Variants in TTC29 observed in about 807,000 individuals in gnomAD.
TTC29 encodes tetratricopeptide repeat domain 29.
TTC29 carries 49 observed loss-of-function variants against 58.1 expected under a neutral mutation model. That is an observed-to-expected ratio of 0.84 (90% CI 0.67 to 1.07). TTC29 has a LOEUF of 1.07. TTC29 is among the 50% of genes least tolerant of loss of function. The pLI is 0.00. For synonymous variants in TTC29, 209 were observed against 196.8 expected, an observed-to-expected ratio of 1.06 and a Z score of -0.52; for missense variants, 582 against 555.6, an observed-to-expected ratio of 1.05 and a Z score of -0.48.
chr4:146,812,214 A>G (rs1435227927), intron 10 of TTC29, among the ~76,000 whole-genome samples: 1 of 152,174 alleles, frequency 6.6e-6, no homozygotes, highest in African/African-American at 2.4e-5. Flanking sequence ...ATATATAATT[A>G]GGCCAAACAT....
chr4:146,710,262 C>T (rs1347990313), intron 11 of TTC29, among the ~76,000 whole-genome samples: 1 of 152,074 alleles, frequency 6.6e-6, no homozygotes, highest in Non-Finnish European at 1.5e-5. Flanking sequence ...GGGCTATGAA[C>T]CTGTTCGGCA....
intron 4 of TTC29, among the ~76,000 whole-genome samples, chr4:146,930,365 T>C (rs1735249023): frequency 6.6e-6 from 1 of 152,092 alleles, no homozygotes; most frequent in Non-Finnish European, 1.5e-5. Context: ...ATGATAATGC[T>C]GTTCCCTTCT....
At chr4:146,714,528 A>C (rs1207252641) in intron 11 of TTC29, among the ~76,000 whole-genome samples, 1 of 152,026 alleles carries the variant, frequency 6.6e-6, no homozygotes, top group Non-Finnish European at 1.5e-5. Flanking sequence ...AAATTGCTGA[A>C]GACTATAAAC....
intron 3 of TTC29, among the ~76,000 whole-genome samples, chr4:146,939,130 T>G (rs2150335349): frequency 6.6e-6 from 1 of 152,158 alleles, no homozygotes; most frequent in South Asian, 2.1e-4. Context: ...AAAACAGAAG[T>G]CAGCCCTTGG....
intron 11 of TTC29, among the ~76,000 whole-genome samples, chr4:146,748,535 G>A (rs1365287718): frequency 2.0e-5 from 3 of 152,120 alleles, no homozygotes; most frequent in Non-Finnish European, 4.4e-5. Flanking sequence ...AATAACAAGA[G>A]GATCCCTAAA....
At chr4:146,846,221 T>A (rs192092852) in intron 8 of TTC29, among the ~76,000 whole-genome samples, 23 of 152,316 alleles carry the variant, frequency 1.5e-4, no homozygotes, top group Non-Finnish European at 2.9e-4. Context: ...ACAATCTTCA[T>A]AGAAGAAGAC....
intron 4 of TTC29, chr4:146,934,406 T>C (rs1735603000): frequency 6.6e-6 from 1 of 152,080 alleles, no homozygotes; most frequent in Non-Finnish European, 1.5e-5. Flanking sequence ...ATATTGGGGA[T>C]AAGAGAGGAG....
chr4:146,771,036 G>A (rs948032307), intron 11 of TTC29, among the ~76,000 whole-genome samples: 14 of 152,008 alleles, frequency 9.2e-5, no homozygotes, highest in Non-Finnish European at 1.6e-4. Context: ...TGTCCAATTA[G>A]CACATACTGT....
chr4:146,739,101 C>T (rs1051947045), intron 11 of TTC29, among the ~76,000 whole-genome samples: 1 of 152,020 alleles, frequency 6.6e-6, no homozygotes, highest in African/African-American at 2.4e-5. Flanking sequence ...AAGGAAATAG[C>T]TATGAATTTC....
At chr4:146,814,939 C>T (rs68181638) in intron 10 of TTC29, among the ~76,000 whole-genome samples, 6,975 of 151,860 alleles carry the variant, frequency 0.046, 232 homozygotes, top group East Asian at 0.14. Context: ...TAAAGAACTC[C>T]AAGAATGTCA....
intron 11 of TTC29, among the ~76,000 whole-genome samples, chr4:146,777,032 G>A (rs1748156003): frequency 6.6e-6 from 1 of 152,002 alleles, no homozygotes; most frequent in Non-Finnish European, 1.5e-5. Context: ...GGAGGGGTGG[G>A]GTTACCAGTG....
chr4:146,814,091 C>T (rs997953908), intron 10 of TTC29, among the ~76,000 whole-genome samples: 2 of 152,122 alleles, frequency 1.3e-5, no homozygotes, highest in Non-Finnish European at 2.9e-5. Context: ...ATTTATTGGT[C>T]CAAGGAACTG....
intron 8 of TTC29, among the ~76,000 whole-genome samples, chr4:146,854,418 G>C (rs1376557539): frequency 6.6e-6 from 1 of 152,120 alleles, no homozygotes; most frequent in Non-Finnish European, 1.5e-5. Flanking sequence ...ATATTTTGTG[G>C]CCACGTTATT....
chr4:146,762,981 C>T (rs953918399), intron 11 of TTC29, among the ~76,000 whole-genome samples: 7 of 152,120 alleles, frequency 4.6e-5, no homozygotes, highest in South Asian at 4.1e-4. Context: ...TTCCCTAGGG[C>T]GGAAGTTTTC....
intron 11 of TTC29, among the ~76,000 whole-genome samples, chr4:146,762,840 A>G (rs746333261): frequency 9.9e-5 from 15 of 152,216 alleles, no homozygotes; most frequent in Non-Finnish European, 1.9e-4. Flanking sequence ...TTTCAAAAAA[A>G]GTAAACAAAA....
intron 6 of TTC29, among the ~76,000 whole-genome samples, chr4:146,898,428 T>A (rs1732920498): frequency 6.6e-6 from 1 of 152,218 alleles, no homozygotes; most frequent in African/African-American, 2.4e-5. Context: ...ACAATAAATT[T>A]AAGGATCTGA....
chr4:146,922,700 A>C (rs986196344), intron 4 of TTC29, among the ~76,000 whole-genome samples: 5 of 151,786 alleles, frequency 3.3e-5, no homozygotes, highest in Non-Finnish European at 7.4e-5. Context: ...TGAGTGATGG[A>C]GCTGGTTCAT....
In TTC29 at chr4:146,909,206, G is replaced by A. The variant is rs199772432; in HGVS notation, c.220C>T (p.Arg74Ter). 157 of 1,613,346 alleles carry A rather than the reference G, an allele frequency of 9.7e-5. No individual in the cohort carries two copies. The highest frequency in any genetic ancestry group is 1.2e-4 in the Non-Finnish European group (136 of 1,179,764). Residue 74 changes from arginine (R) to a stop codon, truncating the protein, a stop_gained, in exon 5 of 13, where the codon CGA (arginine) becomes TGA (stop). Coordinates refer to ENST00000325106, the MANE Select transcript of TTC29 (RefSeq NM_031956.4). LOFTEE classifies it high-confidence loss of function. The stretch of plus-strand genomic sequence containing the variant: ...GTGAAGGACTTATGATAACCATCTC[G>A]CAGCATGTCCACACAGATATTCTTC... ...YKKNICVDML[R>*]DGYHKSFTEL...
intron 11 of TTC29, among the ~76,000 whole-genome samples, chr4:146,794,452 C>T (rs959040920): frequency 6.6e-6 from 1 of 152,104 alleles, no homozygotes; most frequent in Admixed American, 6.6e-5. Flanking sequence ...ATCCTGTTAG[C>T]TGGTGATGGT....
Sources: allele counts gnomAD v4.1 joint callset (sites outside exome capture counted in the v4.1 genomes callset), GRCh38; gene constraint gnomAD v4.1.1; transcripts MANE v1.5; gene names NCBI Gene and HGNC (gene_info 2026-07-23, HGNC 2026-07-21).